ABCA1: variants seen among roughly 807,000 people sequenced by gnomAD.
ABCA1 encodes the protein ATP binding cassette subfamily A member 1.
ABCA1 carries 133 observed loss-of-function variants against 262.5 expected under a neutral mutation model. The observed-to-expected ratio is 0.51, with a 90% CI of 0.44 to 0.59. The LOEUF is 0.59. Ranked by LOEUF, ABCA1 falls within the 20% of genes least tolerant of loss-of-function variation. The probability of loss-of-function intolerance (pLI) is 0.00; values close to 1 mark genes in which losing one functional copy is unlikely to be tolerated. For missense variants in ABCA1, 2,452 were observed against 2,777.5 expected (o/e 0.88, Z 2.63); for synonymous variants, 1,022 against 1,043.5 (o/e 0.98, Z 0.40).
intron 7 of ABCA1, among the ~76,000 whole-genome samples, chr9:104,856,739 T>C (rs1835872412): frequency 6.6e-6 from 1 of 152,186 alleles, no homozygotes; most frequent in Admixed American, 6.5e-5. Context: ...AATTACAATG[T>C]CTTCTAAAAA....
chr9:104,883,355 C>G (rs146866967), intron 4 of ABCA1, among the ~76,000 whole-genome samples, 198 bp from the exon 5 acceptor site: 70 of 152,168 alleles, frequency 4.6e-4, no homozygotes, highest in Middle Eastern at 3.4e-3. Context: ...CATCACTGCC[C>G]CAAATGCCTT....
chr9:104,913,689 G>A (rs560577282), intron 1 of ABCA1, among the ~76,000 whole-genome samples: 51 of 152,282 alleles, frequency 3.3e-4, no homozygotes, highest in African/African-American at 6.0e-4. Flanking sequence ...CCTCTTGGGG[G>A]TCCTCACCAC....
At chr9:104,828,380 C>A (rs1021113244) in intron 15 of ABCA1, among the ~76,000 whole-genome samples, 1 of 152,174 alleles carries the variant, frequency 6.6e-6, no homozygotes, top group African/African-American at 2.4e-5. Context: ...CTAGAGTGCC[C>A]CACGGGGTTG....
Position 104,856,986 on chromosome 9 carries a change from G to A in ABCA1, c.720+1536C>T, listed in dbSNP as rs115756482. Among the ~76,000 whole-genome samples the A allele has an allele frequency of 8.9e-3, 1,351 of 152,224 alleles. 24 individuals carry two copies. The highest frequency in any genetic ancestry group is 0.031 in the African/African-American group (1,287 of 41,538). On this transcript the variant is annotated intron_variant, in intron 7 of 49. Coordinates refer to ENST00000374736, the MANE Select transcript of ABCA1 (RefSeq NM_005502.4). ...GTTACTTAGGGTTGCAAAGATCCCT[G>A]TAGAGAAATATACCTTACTTTAAAA...
At chr9:104,892,689 C>A (rs781574327) in intron 2 of ABCA1, among the ~76,000 whole-genome samples, 1 of 152,056 alleles carries the variant, frequency 6.6e-6, no homozygotes, top group Non-Finnish European at 1.5e-5. Flanking sequence ...ATAATGAACA[C>A]GGAAATATAA....
In ABCA1 at chr9:104,872,341, T is replaced by C. The variant is rs542251686; in HGVS notation, c.422-10541A>G. Among the ~76,000 whole-genome samples the C allele has an allele frequency of 9.9e-5, 15 of 152,228 alleles. No homozygotes were observed. The East Asian group carries it at 2.9e-3, about 29-fold the overall frequency. On this transcript the variant is annotated intron_variant, in intron 5 of 49. Transcript: ENST00000374736. ...ACTATATCAGCAATTTAATGAGATG[T>C]TTTAAAAATGCTTCATCGTGATATT...
At chr9:104,915,625 T>C (rs1306828967) in intron 1 of ABCA1, among the ~76,000 whole-genome samples, 1 of 152,154 alleles carries the variant, frequency 6.6e-6, no homozygotes, top group African/African-American at 2.4e-5. Context: ...TGAGTGTTCC[T>C]TATAGAAAAA....
chr9:104,904,459 T>C (rs1215252836), intron 1 of ABCA1, among the ~76,000 whole-genome samples: 1 of 151,524 alleles, frequency 6.6e-6, no homozygotes, highest in Non-Finnish European at 1.5e-5. Context: ...TCCCAGCTAC[T>C]TGGGAGGCTG....
chr9:104,833,747 T>C (rs1833554989), intron 11 of ABCA1, among the ~76,000 whole-genome samples: 1 of 152,170 alleles, frequency 6.6e-6, no homozygotes, highest in African/African-American at 2.4e-5. Flanking sequence ...TAAAGTACAA[T>C]CTTTTCCAAT....
intron 36 of ABCA1, 107 bp from the exon 37 acceptor site, chr9:104,798,705 GATATCTGAGGCACAGCCCA>G (rs2118885357): frequency 3.2e-6 from 3 of 940,966 alleles, no homozygotes; most frequent in Admixed American, 2.0e-5. Context: ...CACACACAGA[GATATCTGAGGCACAGCCCA>G]AGGAAAAACA....
chr9:104,819,756 A>T, intron 21 of ABCA1, 33 bp from the exon 22 acceptor site: 1 of 1,614,038 alleles, frequency 6.2e-7, no homozygotes, highest in Non-Finnish European at 8.5e-7. Context: ...AAACTCCAGG[A>T]CCAGCCCCAG....
At position 104,895,819 on chromosome 9, in the gene ABCA1, G is replaced by A. The variant is rs137919615; in HGVS notation, c.67-6624C>T. 4.6e-5 allele frequency among the ~76,000 whole-genome samples: 7 copies of A among 152,218 alleles called. No homozygotes were observed. The East Asian group carries it at 7.7e-4, about 17-fold the overall frequency. ...CTCCCTAGCCTGAGGACACAGTCAC[G>A]GTGCTCTTAAATTCTTGAGATTTAG... On this transcript the variant is annotated intron_variant, in intron 2 of 49. Coordinates refer to ENST00000374736, the MANE Select transcript of ABCA1 (RefSeq NM_005502.4).
chr9:104,883,490 A>G (rs539097583), intron 4 of ABCA1, among the ~76,000 whole-genome samples: 4 of 152,368 alleles, frequency 2.6e-5, no homozygotes, highest in Admixed American at 2.0e-4. Context: ...CAGTAGGCTC[A>G]GTGGCCTGGG....
chr9:104,919,916 A>T (rs760188912), intron 1 of ABCA1, among the ~76,000 whole-genome samples: 2 of 152,170 alleles, frequency 1.3e-5, no homozygotes, highest in Non-Finnish European at 2.9e-5. Flanking sequence ...GAATGCTCTG[A>T]GGCATTCCCT....
chr9:104,858,467 TC>T, intron 7 of ABCA1, 54 bp downstream of exon 7: 1 of 1,567,976 alleles, frequency 6.4e-7, no homozygotes, highest in Non-Finnish European at 8.8e-7. Context: ...AGGAAAAGCC[TC>T]ACATTCCGAA....
chr9:104,906,486 A>G (rs893126324), intron 1 of ABCA1, among the ~76,000 whole-genome samples: 2 of 152,162 alleles, frequency 1.3e-5, no homozygotes. Context: ...GAAGTAGCAT[A>G]GAGCCACAGT....
intron 3 of ABCA1, among the ~76,000 whole-genome samples, chr9:104,887,682 T>A (rs921667706): frequency 2.0e-5 from 3 of 150,122 alleles, no homozygotes; most frequent in Admixed American, 6.6e-5. Context: ...AACAGAATTA[T>A]CTCACAGGCA....
At chr9:104,864,188 A>G (rs1049768090) in intron 5 of ABCA1, among the ~76,000 whole-genome samples, 2 of 152,166 alleles carry the variant, frequency 1.3e-5, no homozygotes, top group African/African-American at 4.8e-5. Context: ...ACTAAACACT[A>G]GGAGATGGGA....
rs9409410 is a variant in ABCA1 at position 104,843,093 on chromosome 9, C to A, written c.813+2384G>T. On this transcript the variant is annotated intron_variant, in intron 8 of 49. Coordinates refer to ENST00000374736, the MANE Select transcript of ABCA1 (RefSeq NM_005502.4). ...ACCTTAGAGAGAGCTTTCCTAATCACCCCCTTTAAAAAAAGCACCTTCTCA... is the reference window on the plus strand; with the variant it reads ...ACCTTAGAGAGAGCTTTCCTAATCAACCCCTTTAAAAAAAGCACCTTCTCA... Among the ~76,000 whole-genome samples, 411 of 152,264 alleles carry A rather than the reference C, an allele frequency of 2.7e-3. 1 individual carries two copies. Among genetic ancestry groups the A allele is most frequent in the Non-Finnish European group, 4.0e-3 (271 of 68,014 alleles).
Sources: gnomAD v4.1 joint callset for allele counts (sites outside exome capture counted in the v4.1 genomes callset) on GRCh38, gnomAD v4.1.1 for gene constraint, MANE v1.5 for transcripts, NCBI Gene and HGNC (gene_info 2026-07-23, HGNC 2026-07-21) for gene names.